The following OSBPL1A variants were observed in gnomAD, a reference collection of about 807,000 sequenced individuals.
The protein encoded by OSBPL1A is oxysterol binding protein like 1A.
A neutral mutation model predicts 137.1 loss-of-function variants in OSBPL1A; 80 were observed. That is an observed-to-expected ratio of 0.58 (90% confidence interval 0.49 to 0.70). OSBPL1A has a LOEUF of 0.70. OSBPL1A is among the 30% of genes least tolerant of loss of function. The probability of loss-of-function intolerance (pLI) is 0.00; values close to 1 mark genes in which losing one functional copy is unlikely to be tolerated. For synonymous variants in OSBPL1A, 365 were observed against 389.7 expected (o/e 0.94, Z 0.75); for missense variants, 970 against 1,129.4 (o/e 0.86, Z 2.02).
At chr18:24,212,986 C>T (rs1377067354) in intron 17 of OSBPL1A, among the ~76,000 whole-genome samples, 2 of 152,188 alleles carry the variant, frequency 1.3e-5, no homozygotes, top group Non-Finnish European at 2.9e-5. Context: ...GTTTCAGGTT[C>T]GAATTCAGAC....
intron 1 of OSBPL1A, among the ~76,000 whole-genome samples, chr18:24,393,369 C>T (rs1159437034): frequency 1.3e-5 from 2 of 152,254 alleles, no homozygotes; most frequent in South Asian, 2.1e-4. Flanking sequence ...GGCAAAGTTA[C>T]TTGCCAAGTA....
chr18:24,239,409 G>C (rs760747599), intron 15 of OSBPL1A, 27 bp from the exon 16 acceptor site: 2 of 1,601,638 alleles, frequency 1.2e-6, no homozygotes, highest in Non-Finnish European at 1.7e-6. Context: ...ATACAGAAAA[G>C]ACTTCAGAGT....
At chr18:24,224,596 G>C (rs1188362942) in intron 17 of OSBPL1A, among the ~76,000 whole-genome samples, 6 of 152,156 alleles carry the variant, frequency 3.9e-5, no homozygotes, top group Non-Finnish European at 8.8e-5. Flanking sequence ...CTTAATAAAA[G>C]TCTTTGTTTA....
chr18:24,167,630 G>A (rs1221473593), intron 24 of OSBPL1A, among the ~76,000 whole-genome samples, 185 bp from the exon 25 acceptor site: 1 of 152,082 alleles, frequency 6.6e-6, no homozygotes, highest in African/African-American at 2.4e-5. Context: ...ATCAAGTAAG[G>A]GAAATGACCG....
chr18:24,349,739 A>C (rs1017215263), intron 4 of OSBPL1A, among the ~76,000 whole-genome samples: 1 of 118,780 alleles, frequency 8.4e-6, no homozygotes, highest in African/African-American at 3.3e-5. Context: ...GAAAAAAAAA[A>C]AAACAACAAC....
At chr18:24,164,926 T>C in intron 27 of OSBPL1A, 139 bp downstream of exon 27, 1 of 798,244 alleles carries the variant, frequency 1.3e-6, no homozygotes, top group Non-Finnish European at 2.0e-6. Flanking sequence ...AATAACTTTT[T>C]TTCAGGCCTG....
chr18:24,270,844 CT>C (rs1372836815), intron 15 of OSBPL1A, among the ~76,000 whole-genome samples: 1 of 152,134 alleles, frequency 6.6e-6, no homozygotes, highest in African/African-American at 2.4e-5. Flanking sequence ...TTAATTCAGT[CT>C]TTGAACCTAA....
intron 14 of OSBPL1A, among the ~76,000 whole-genome samples, chr18:24,301,862 A>G (rs2090406810): frequency 6.6e-6 from 1 of 152,228 alleles, no homozygotes; most frequent in Non-Finnish European, 1.5e-5. Flanking sequence ...TAATATTAAC[A>G]TTTCCTCACA....
intron 15 of OSBPL1A, among the ~76,000 whole-genome samples, chr18:24,268,529 TTTTTTG>T (rs1429283565): frequency 3.3e-5 from 5 of 151,840 alleles, no homozygotes; most frequent in South Asian, 2.1e-4. Flanking sequence ...TACCCCATTT[TTTTTTG>T]TTTTTGTTTT....
intron 2 of OSBPL1A, among the ~76,000 whole-genome samples, chr18:24,375,314 C>CAAAAA (rs61252568): frequency 4.8e-5 from 2 of 41,696 alleles, no homozygotes; most frequent in Non-Finnish European, 8.6e-5. Context: ...AACCCTGTCT[C>CAAAAA]AAAAAAAAAA....
intron 18 of OSBPL1A, among the ~76,000 whole-genome samples, chr18:24,195,462 T>G (rs1266913398): frequency 6.6e-6 from 1 of 152,154 alleles, no homozygotes; most frequent in Non-Finnish European, 1.5e-5. Flanking sequence ...AGGGTACACA[T>G]TCAATTGCAA....
chr18:24,331,085 C>T (rs1041995330), intron 7 of OSBPL1A, among the ~76,000 whole-genome samples: 1 of 151,964 alleles, frequency 6.6e-6, no homozygotes, highest in African/African-American at 2.4e-5. Context: ...GAGCCACCGG[C>T]CTGGCCTGTG....
At chr18:24,310,432 C>CAAA (rs3039412) in intron 13 of OSBPL1A, among the ~76,000 whole-genome samples, 17,397 of 89,500 alleles carry the variant, frequency 0.19, 1,669 homozygotes, top group Non-Finnish European at 0.25. Context: ...ACTAAAAATA[C>CAAA]AAAAAAAAAA....
chr18:24,215,770 C>G (rs1246664061), intron 17 of OSBPL1A, among the ~76,000 whole-genome samples: 1 of 152,078 alleles, frequency 6.6e-6, no homozygotes, highest in Non-Finnish European at 1.5e-5. Flanking sequence ...AAGATGTGGG[C>G]AGAAGAAACA....
intron 15 of OSBPL1A, among the ~76,000 whole-genome samples, chr18:24,274,643 G>A (rs1428953476): frequency 2.0e-5 from 3 of 152,068 alleles, no homozygotes; most frequent in African/African-American, 4.8e-5. Flanking sequence ...CGTGGTGGCT[G>A]AAGCCTGTAA....
At chr18:24,335,097 C>A (rs1027728971) in intron 5 of OSBPL1A, among the ~76,000 whole-genome samples, 1 of 152,138 alleles carries the variant, frequency 6.6e-6, no homozygotes, top group African/African-American at 2.4e-5. Flanking sequence ...TACTGTGTTG[C>A]CCAGGCTGGT....
intron 7 of OSBPL1A, among the ~76,000 whole-genome samples, chr18:24,331,247 G>A (rs1386294039): frequency 1.3e-5 from 2 of 152,154 alleles, no homozygotes; most frequent in Non-Finnish European, 2.9e-5. Context: ...AGCATCATAA[G>A]CCAACAAATA....
At chr18:24,311,436 C>G (rs2090618087) in intron 13 of OSBPL1A, 5 of 984,468 alleles carry the variant, frequency 5.1e-6, no homozygotes, top group South Asian at 9.4e-5. Context: ...CTCAAAACAC[C>G]TATTTCATTT....
At chr18:24,280,758 CAAT>C in intron 15 of OSBPL1A, 81 bp downstream of exon 15, 2 of 918,318 alleles carry the variant, frequency 2.2e-6, no homozygotes, top group African/African-American at 1.7e-5. Context: ...TACCTTTGAA[CAAT>C]TTGAAAGCAA....
Sources: gnomAD v4.1 joint callset for allele counts (sites outside exome capture counted in the v4.1 genomes callset) on GRCh38, gnomAD v4.1.1 for gene constraint, MANE v1.5 for transcripts, NCBI Gene and HGNC (gene_info 2026-07-23, HGNC 2026-07-21) for gene names.